The following MERTK variants were observed in gnomAD, a reference collection of about 807,000 sequenced individuals.
MERTK encodes tyrosine-protein kinase Mer.
MERTK carries 69 observed loss-of-function variants against 99.3 expected under a neutral mutation model. The observed-to-expected ratio is 0.70, with a 90% CI of 0.57 to 0.85. The LOEUF (loss-of-function observed/expected upper bound fraction) is 0.85, where lower values mean the gene tolerates loss of function less well. Among genes scored for constraint, MERTK ranks in the 40% least tolerant of loss-of-function variants. MERTK has a pLI of 0.00. For synonymous variants in MERTK, 426 were observed against 467.6 expected (o/e 0.91, Z 1.15); for missense variants, 1,125 against 1,249.4 (o/e 0.90, Z 1.50).
chr2:112,021,399 A>T (rs952810263), intron 16 of MERTK, 23 bp from the exon 17 acceptor site: 3 of 1,612,220 alleles, frequency 1.9e-6, no homozygotes, highest in Non-Finnish European at 2.5e-6. Flanking sequence ...GACGCTGCTG[A>T]AGACGTAACC....
At chr2:112,014,780 C>T (rs556246801) in intron 15 of MERTK, among the ~76,000 whole-genome samples, 9 of 152,006 alleles carry the variant, frequency 5.9e-5, no homozygotes, top group African/African-American at 1.7e-4. Context: ...GGACTACAGG[C>T]GCCTGCCACC....
chr2:111,912,048 G>T (rs113736396), intron 1 of MERTK, among the ~76,000 whole-genome samples: 1 of 151,538 alleles, frequency 6.6e-6, no homozygotes, highest in Non-Finnish European at 1.5e-5. Flanking sequence ...TGTCACCCCG[G>T]CTGGAGTGCA....
intron 4 of MERTK, among the ~76,000 whole-genome samples, chr2:111,961,092 C>G (rs1003288211): frequency 6.6e-6 from 1 of 150,964 alleles, no homozygotes; most frequent in African/African-American, 2.4e-5. Flanking sequence ...AAGAAGTGAC[C>G]AAAATATGAA....
At chr2:112,028,183 C>G (rs1164625220) in intron 18 of MERTK, 168 bp from the exon 19 acceptor site, 18 of 734,112 alleles carry the variant, frequency 2.5e-5, no homozygotes, top group Non-Finnish European at 3.5e-5. Flanking sequence ...GGAACATTTA[C>G]AAAAGTTGTA....
chr2:111,919,602 G>A (rs1039944619), intron 1 of MERTK, among the ~76,000 whole-genome samples: 1 of 151,880 alleles, frequency 6.6e-6, no homozygotes, highest in Admixed American at 6.6e-5. Flanking sequence ...TGTTTGGGAA[G>A]CTTCTTTTGC....
intron 10 of MERTK, among the ~76,000 whole-genome samples, chr2:111,999,570 G>T (rs192504826): frequency 6.6e-6 from 1 of 152,198 alleles, no homozygotes; most frequent in East Asian, 1.9e-4. Flanking sequence ...CAAAGTGCTG[G>T]GATTACAGGC....
At chr2:111,934,473 A>G (rs889528322) in intron 2 of MERTK, among the ~76,000 whole-genome samples, 1 of 152,176 alleles carries the variant, frequency 6.6e-6, no homozygotes, top group Non-Finnish European at 1.5e-5. Context: ...CCAATGACCA[A>G]TAATGATGAG....
intron 2 of MERTK, among the ~76,000 whole-genome samples, chr2:111,940,055 C>G (rs13033393): frequency 0.21 from 31,768 of 151,892 alleles, 4,002 homozygotes; most frequent in Middle Eastern, 0.36. Context: ...TCTATGCCTC[C>G]TGTGGTCCAG....
chr2:111,912,201 G>C (rs1684263515), intron 1 of MERTK, among the ~76,000 whole-genome samples: 1 of 151,628 alleles, frequency 6.6e-6, no homozygotes, highest in African/African-American at 2.4e-5. Flanking sequence ...TAGAGATGGG[G>C]TTTCACCATG....
At chr2:111,911,770 G>A (rs1378011755) in intron 1 of MERTK, among the ~76,000 whole-genome samples, 2 of 141,010 alleles carry the variant, frequency 1.4e-5, no homozygotes, top group South Asian at 2.3e-4. Context: ...GCTCACTGGA[G>A]CCTAAACTCC....
At chr2:112,024,512 GTGC>G (rs1402469232) in intron 18 of MERTK, among the ~76,000 whole-genome samples, 2 of 152,220 alleles carry the variant, frequency 1.3e-5, no homozygotes, top group East Asian at 3.8e-4. Context: ...GGCTATGGCT[GTGC>G]TGTGGCCTCG....
intron 7 of MERTK, among the ~76,000 whole-genome samples, chr2:111,980,342 A>G (rs1048441788): frequency 4.0e-5 from 6 of 149,318 alleles, no homozygotes; most frequent in African/African-American, 1.5e-4. Flanking sequence ...CCTGTGTCCT[A>G]TGGATATTTG....
In MERTK at chr2:111,997,156, A is replaced by C. The variant is rs1205929577; in HGVS notation, c.1451-167A>C. 6.1e-6 allele frequency: 5 copies of C among 825,718 alleles called. No individual in the cohort carries two copies. The Admixed American group carries it at 8.5e-5, about 14-fold the overall frequency. 51.1% of individuals were successfully genotyped at this position (825,718 alleles called of 1,614,324 possible). A position where few individuals can be genotyped will look rare whatever the true frequency, so the allele number is the denominator to read the frequency against. On this transcript the variant is annotated intron_variant, in intron 9 of 18. Transcript: ENST00000295408. ...AGCTAGTTTCCCATCAGTTATTAAG[A>C]TCTCTTCGCATGGTCTCAGCTTACA...
intron 16 of MERTK, 59 bp from the exon 17 acceptor site, chr2:112,021,363 G>A (rs1308094220): frequency 3.1e-6 from 5 of 1,608,302 alleles, no homozygotes; most frequent in Admixed American, 3.3e-5. Flanking sequence ...GTCTGATACA[G>A]ACCAGTAATT....
rs56410508 is a variant in MERTK at position 111,951,522 on chromosome 2, CATATATATATATAT to C, written c.757+3969_757+3982del. ...TTTTGTACACGCTGAATAATATTCCCATATATATATATATATATATATATATACCATAATTTTTT... is the reference window on the plus strand; with the variant it reads ...TTTTGTACACGCTGAATAATATTCCCATATATATATATACCATAATTTTTT... On this transcript the variant is annotated intron_variant, in intron 4 of 18. Coordinates refer to ENST00000295408, the MANE Select transcript of MERTK (RefSeq NM_006343.3). Among the ~76,000 whole-genome samples the C allele has an allele frequency of 4.5e-4, 39 of 85,870 alleles. 4 individuals carry two copies. Among genetic ancestry groups the C allele is most frequent in the Admixed American group, 9.4e-4 (7 of 7,436 alleles). 56.3% of individuals were successfully genotyped at this position (85,870 alleles called of 152,430 possible). A position where few individuals can be genotyped will look rare whatever the true frequency, so the allele number is the denominator to read the frequency against.
At chr2:112,023,522 C>T (rs577295515) in intron 18 of MERTK, among the ~76,000 whole-genome samples, 6 of 152,186 alleles carry the variant, frequency 3.9e-5, no homozygotes, top group Middle Eastern at 3.4e-3. Flanking sequence ...GCACACATCC[C>T]ATCCTGACAG....
intron 3 of MERTK, 149 bp downstream of exon 3, chr2:111,945,209 C>CA: frequency 1.5e-6 from 1 of 671,020 alleles, no homozygotes; most frequent in Non-Finnish European, 2.7e-6. Context: ...TGAAATTTTA[C>CA]AAGGTACTCC....
chr2:111,955,067 G>A (rs544576323), intron 4 of MERTK, among the ~76,000 whole-genome samples: 1 of 109,508 alleles, frequency 9.1e-6, no homozygotes, highest in East Asian at 2.1e-4. Flanking sequence ...AAAGCAGTGA[G>A]TGTTCCCAGG....
intron 4 of MERTK, among the ~76,000 whole-genome samples, chr2:111,958,470 G>A (rs10187656): frequency 0.064 from 9,737 of 152,236 alleles, 369 homozygotes; most frequent in African/African-American, 0.11. Context: ...TTGGCCCTAA[G>A]TGCTGTCTGG....
Sources: gnomAD v4.1 joint callset for allele counts (sites outside exome capture counted in the v4.1 genomes callset) on GRCh38, gnomAD v4.1.1 for gene constraint, MANE v1.5 for transcripts, NCBI Gene and HGNC (gene_info 2026-07-23, HGNC 2026-07-21) for gene names.